RAD54L2: variants seen among roughly 807,000 people sequenced by gnomAD.
The protein encoded by RAD54L2 is RAD54 like 2.
A neutral mutation model predicts 138.4 loss-of-function variants in RAD54L2; 27 were observed. The ratio of observed to expected loss-of-function variants is 0.20; its 90% CI spans 0.14 to 0.27. The LOEUF (loss-of-function observed/expected upper bound fraction) is 0.27. Among genes scored for constraint, RAD54L2 ranks in the 10% least tolerant of loss-of-function variants. The pLI is 1.00. For missense variants in RAD54L2, 1,396 were observed against 1,890.2 expected, an observed-to-expected ratio of 0.74 and a Z score of 4.85; for synonymous variants, 644 against 723.2, an observed-to-expected ratio of 0.89 and a Z score of 1.76.
chr3:51,573,839 T>C (rs1004135922), intron 2 of RAD54L2, among the ~76,000 whole-genome samples: 3 of 151,744 alleles, frequency 2.0e-5, no homozygotes, highest in Non-Finnish European at 2.9e-5. Context: ...TAGAAAGTTA[T>C]TTATTTATTT....
chr3:51,608,694 C>T (rs537018088), intron 3 of RAD54L2, among the ~76,000 whole-genome samples: 83 of 152,294 alleles, frequency 5.4e-4, no homozygotes, highest in Non-Finnish European at 9.1e-4. Context: ...GGTGTGGCGG[C>T]GCACGCCTGC....
intron 2 of RAD54L2, among the ~76,000 whole-genome samples, chr3:51,575,901 A>G (rs1178292708): frequency 6.6e-6 from 1 of 152,190 alleles, no homozygotes; most frequent in Non-Finnish European, 1.5e-5. Context: ...AGGAGTGGTG[A>G]GAGAGGGCAT....
intron 2 of RAD54L2, among the ~76,000 whole-genome samples, chr3:51,587,069 A>G (rs147992697): frequency 1.1e-4 from 16 of 152,078 alleles, no homozygotes; most frequent in African/African-American, 3.9e-4. Flanking sequence ...AAAACCTATT[A>G]AATGAACCAG....
chr3:51,575,219 G>A (rs1038489730), intron 2 of RAD54L2, among the ~76,000 whole-genome samples: 2 of 152,128 alleles, frequency 1.3e-5, no homozygotes, highest in Non-Finnish European at 2.9e-5. Context: ...CTCTGTTTTG[G>A]TACGGGTACC....
intron 3 of RAD54L2, among the ~76,000 whole-genome samples, chr3:51,610,799 T>C (rs1700311354): frequency 6.6e-6 from 1 of 152,128 alleles, no homozygotes; most frequent in African/African-American, 2.4e-5. Context: ...AGGCTGCCAG[T>C]TGGAACCCCT....
At chr3:51,566,159 A>G (rs780517029) in intron 2 of RAD54L2, among the ~76,000 whole-genome samples, 2 of 152,158 alleles carry the variant, frequency 1.3e-5, no homozygotes, top group Non-Finnish European at 2.9e-5. Flanking sequence ...TAGTTTGACT[A>G]TAGATTTGCT....
intron 3 of RAD54L2, among the ~76,000 whole-genome samples, chr3:51,605,362 T>C (rs1365392108): frequency 6.6e-6 from 1 of 151,604 alleles, no homozygotes; most frequent in Admixed American, 6.6e-5. Flanking sequence ...GTGCTGAGAT[T>C]ACAACTGTGA....
chr3:51,646,215 G>C, intron 18 of RAD54L2, 70 bp from the exon 19 acceptor site: 1 of 1,394,478 alleles, frequency 7.2e-7, no homozygotes, highest in Non-Finnish European at 9.8e-7. Flanking sequence ...CTCTTTTCTT[G>C]GTCCTAAAGT....
chr3:51,657,892 C>G (rs1235016965), intron 21 of RAD54L2, among the ~76,000 whole-genome samples: 3 of 149,076 alleles, frequency 2.0e-5, no homozygotes, highest in Non-Finnish European at 4.4e-5. Context: ...AAATTAGGGT[C>G]CCTACATTTC....
In RAD54L2 at chr3:51,664,285, A is replaced by G. The variant is rs1041323021; in HGVS notation, c.*865A>G. 14 of 152,216 alleles carry G rather than the reference A, an allele frequency of 9.2e-5. No homozygotes were observed. The highest frequency in any genetic ancestry group is 1.5e-4 in the Non-Finnish European group (10 of 68,038). 9.4% of individuals were successfully genotyped at this position (152,216 alleles called of 1,614,324 possible). Reference sequence around the variant, plus strand: ...TCTATGTCTCTTAACCCCGGTGGCTATCTCTGAGCAGCTCTCCCTTTCCAG... The same window carrying G: ...TCTATGTCTCTTAACCCCGGTGGCTGTCTCTGAGCAGCTCTCCCTTTCCAG... On this transcript the variant is annotated 3_prime_UTR_variant, in exon 23 of 23. Coordinates refer to ENST00000684192, the MANE Select transcript of RAD54L2 (RefSeq NM_015106.4).
intron 3 of RAD54L2, among the ~76,000 whole-genome samples, chr3:51,607,096 T>A (rs896112226): frequency 1.7e-4 from 26 of 150,218 alleles, no homozygotes; most frequent in African/African-American, 4.1e-4. Context: ...ATTTTTTATT[T>A]TTTTATTTTA....
At chr3:51,660,558 G>A (rs1577472618) in intron 22 of RAD54L2, among the ~76,000 whole-genome samples, 1 of 151,798 alleles carries the variant, frequency 6.6e-6, no homozygotes, top group South Asian at 2.1e-4. Context: ...TGATCCGCCC[G>A]CCTCAGCCTC....
At chr3:51,581,620 G>C (rs1308418808) in intron 2 of RAD54L2, among the ~76,000 whole-genome samples, 1 of 152,148 alleles carries the variant, frequency 6.6e-6, no homozygotes, top group African/African-American at 2.4e-5. Context: ...AAAGCACCCA[G>C]ACTGAGCTCT....
At chr3:51,576,106 CAT>C (rs1399086396) in intron 2 of RAD54L2, among the ~76,000 whole-genome samples, 2 of 152,150 alleles carry the variant, frequency 1.3e-5, no homozygotes, top group Non-Finnish European at 2.9e-5. Flanking sequence ...TTGAGATAGA[CAT>C]GTGGTTTTTG....
intron 2 of RAD54L2, among the ~76,000 whole-genome samples, chr3:51,566,682 A>G (rs1699227264): frequency 1.3e-5 from 2 of 151,672 alleles, no homozygotes; most frequent in South Asian, 2.1e-4. Context: ...CTTCTGTTTG[A>G]TTAGTTCCTC....
chr3:51,584,016 A>C (rs931917545), intron 2 of RAD54L2, among the ~76,000 whole-genome samples: 2 of 152,052 alleles, frequency 1.3e-5, no homozygotes, highest in Non-Finnish European at 1.5e-5. Context: ...AGAATCTGGA[A>C]GAGATCTTGA....
intron 2 of RAD54L2, among the ~76,000 whole-genome samples, chr3:51,585,547 A>G (rs753783329): frequency 6.6e-6 from 1 of 152,134 alleles, no homozygotes; most frequent in Admixed American, 6.6e-5. Context: ...CTGTGCCTGC[A>G]TGATTAATTC....
intron 2 of RAD54L2, among the ~76,000 whole-genome samples, chr3:51,557,830 C>CAAAAAA (rs1166273906): frequency 1.2e-4 from 4 of 32,170 alleles, no homozygotes; most frequent in South Asian, 1.1e-3. Context: ...AACTCCATCT[C>CAAAAAA]AAAAAAAAAA....
chr3:51,639,591 C>T lies in RAD54L2; in HGVS notation c.2033C>T (p.Ala678Val), dbSNP rs754939511. 42 of 1,613,830 alleles carry T rather than the reference C, an allele frequency of 2.6e-5. No individual in the cohort carries two copies. ...ACCTTGGCTTCCTCGATGGGAGAGG[C>T]AACCAATAGCAAGTTCCTACAGGGC... Reference protein sequence around the residue: ...DSTLASSMGEATNSKFLQGVG... With the variant: ...DSTLASSMGEVTNSKFLQGVG... Residue 678 changes from alanine to valine, a missense_variant, in exon 13 of 23, where the codon GCA (alanine) becomes GTA (valine). By Grantham distance (64) the Ala-to-Val change is moderately conservative. This residue lies in a region of RAD54L2 where 211 missense variants were observed against 273.8 expected (regional missense o/e 0.77). Transcript: ENST00000684192.
Sources: gnomAD v4.1 joint callset for allele counts (sites outside exome capture counted in the v4.1 genomes callset) on GRCh38, gnomAD v4.1.1 for gene constraint, gnomAD v4.1.1 regional missense constraint, MANE v1.5 for transcripts, NCBI Gene and HGNC (gene_info 2026-07-23, HGNC 2026-07-21) for gene names.